Variants in FCHSD2 observed in about 807,000 individuals in gnomAD.
FCHSD2 encodes the protein F-BAR and double SH3 domains protein 2.
A neutral mutation model predicts 108.1 loss-of-function variants in FCHSD2; 38 were observed. The ratio of observed to expected loss-of-function variants is 0.35; its 90% CI spans 0.27 to 0.46. The LOEUF (loss-of-function observed/expected upper bound fraction) is 0.46. FCHSD2 is among the 20% of genes least tolerant of loss of function. The probability of loss-of-function intolerance (pLI) is 1.00; values close to 1 mark genes in which losing one functional copy is unlikely to be tolerated. For synonymous variants in FCHSD2, 279 were observed against 314.7 expected (o/e 0.89, Z 1.20); for missense variants, 751 against 897.8 (o/e 0.84, Z 2.09).
At chr11:72,965,318 G>A (rs1344839892) in intron 8 of FCHSD2, among the ~76,000 whole-genome samples, 2 of 152,068 alleles carry the variant, frequency 1.3e-5, no homozygotes, top group Non-Finnish European at 2.9e-5. Flanking sequence ...TGTCTTCCAG[G>A]AAAACTAAAT....
intron 8 of FCHSD2, among the ~76,000 whole-genome samples, chr11:72,978,854 C>CT (rs1190277188): frequency 0.32 from 35,935 of 110,848 alleles, 7,068 homozygotes; most frequent in East Asian, 0.52. Context: ...GTAGCTCTTT[C>CT]TTTTTTTTTT....
At chr11:73,023,959 A>G (rs893577572) in intron 3 of FCHSD2, among the ~76,000 whole-genome samples, 1 of 152,194 alleles carries the variant, frequency 6.6e-6, no homozygotes, top group Admixed American at 6.5e-5. Context: ...AGACCAATTG[A>G]TAGAGAAAAC....
chr11:73,083,066 A>G (rs1859733823), intron 3 of FCHSD2, among the ~76,000 whole-genome samples: 1 of 152,238 alleles, frequency 6.6e-6, no homozygotes, highest in South Asian at 2.1e-4. Context: ...TGCGTGATGA[A>G]AAATTAACCT....
intron 8 of FCHSD2, among the ~76,000 whole-genome samples, chr11:72,960,225 GC>G: frequency 6.6e-6 from 1 of 152,070 alleles, no homozygotes; most frequent in Non-Finnish European, 1.5e-5. Flanking sequence ...AGATGCCATG[GC>G]CAGTCTCATG....
rs141199608 is a variant in FCHSD2, at chr11:73,102,488, C to T, written c.120-18748G>A. ...TAGCCAAAAACTGAAAGCAATGAAA[C>T]GAAACATCCATCAACTGATGAATGA... On this transcript the variant is annotated intron_variant, in intron 2 of 19. Transcript: ENST00000409418. 2.3e-3 allele frequency among the ~76,000 whole-genome samples: 352 copies of T among 152,266 alleles called. 3 individuals carry two copies. The highest frequency in any genetic ancestry group is 8.1e-3 in the African/African-American group (335 of 41,564).
At chr11:72,925,746 C>T (rs963762905) in intron 8 of FCHSD2, among the ~76,000 whole-genome samples, 4 of 152,224 alleles carry the variant, frequency 2.6e-5, no homozygotes, top group Non-Finnish European at 4.4e-5. Context: ...GCCATCATGC[C>T]GGCTAGAGCA....
At chr11:73,063,883 A>G (rs551045657) in intron 3 of FCHSD2, among the ~76,000 whole-genome samples, 1 of 152,262 alleles carries the variant, frequency 6.6e-6, no homozygotes, top group East Asian at 1.9e-4. Context: ...CAGATTAATG[A>G]GACAGAAAAT....
intron 13 of FCHSD2, among the ~76,000 whole-genome samples, chr11:72,860,302 C>T (rs1861536379): frequency 6.6e-6 from 1 of 152,142 alleles, no homozygotes; most frequent in Non-Finnish European, 1.5e-5. Flanking sequence ...ATTTATAGAA[C>T]ATAACCCCTA....
chr11:73,007,466 T>G (rs1591477818), intron 4 of FCHSD2, among the ~76,000 whole-genome samples: 2 of 151,898 alleles, frequency 1.3e-5, no homozygotes, highest in Middle Eastern at 6.8e-3. Flanking sequence ...ACAAAAAAAA[T>G]TTTAAAATTA....
intron 8 of FCHSD2, among the ~76,000 whole-genome samples, chr11:72,972,065 A>G (rs912805961): frequency 1.3e-5 from 2 of 152,160 alleles, no homozygotes; most frequent in African/African-American, 4.8e-5. Context: ...TTGATTTAAA[A>G]AGAGTTAATC....
At chr11:72,962,155 A>G (rs192523772) in intron 8 of FCHSD2, among the ~76,000 whole-genome samples, 65 of 152,240 alleles carry the variant, frequency 4.3e-4, no homozygotes, top group Non-Finnish European at 9.0e-4. Context: ...ACTGGGGGGA[A>G]TCTCTGAGAC....
At chr11:73,017,818 G>A (rs1337227839) in intron 3 of FCHSD2, among the ~76,000 whole-genome samples, 1 of 151,906 alleles carries the variant, frequency 6.6e-6, no homozygotes, top group Non-Finnish European at 1.5e-5. Context: ...ATTTCCTAAC[G>A]TAAACAATCA....
chr11:73,061,852 A>C (rs940760182), intron 3 of FCHSD2, among the ~76,000 whole-genome samples: 1 of 152,128 alleles, frequency 6.6e-6, no homozygotes, highest in East Asian at 1.9e-4. Flanking sequence ...GGGACAGAGC[A>C]CTTGGGGAAA....
At chr11:72,864,279 G>T (rs899379973) in intron 13 of FCHSD2, among the ~76,000 whole-genome samples, 1 of 152,194 alleles carries the variant, frequency 6.6e-6, no homozygotes, top group Non-Finnish European at 1.5e-5. Flanking sequence ...TAAAAATATG[G>T]ACTGGGTGTG....
intron 11 of FCHSD2, among the ~76,000 whole-genome samples, chr11:72,887,869 T>G (rs1189310081): frequency 6.6e-6 from 1 of 152,150 alleles, no homozygotes; most frequent in Non-Finnish European, 1.5e-5. Context: ...TAGTGAGAGA[T>G]AATGTAAAAA....
intron 6 of FCHSD2, among the ~76,000 whole-genome samples, chr11:72,987,970 A>G (rs1857341189): frequency 6.6e-6 from 1 of 152,196 alleles, no homozygotes; most frequent in Non-Finnish European, 1.5e-5. Flanking sequence ...GAGAAATATT[A>G]AATGTGTTTT....
intron 13 of FCHSD2, among the ~76,000 whole-genome samples, chr11:72,860,372 C>T (rs747361345): frequency 3.9e-5 from 6 of 151,952 alleles, no homozygotes; most frequent in African/African-American, 9.7e-5. Context: ...CCAAGATATA[C>T]GTTTATACTG....
intron 2 of FCHSD2, among the ~76,000 whole-genome samples, chr11:73,127,456 G>A (rs879363977): frequency 2.6e-5 from 4 of 152,180 alleles, no homozygotes; most frequent in Admixed American, 1.3e-4. Flanking sequence ...AAGTTTCTGT[G>A]CCTAGATCCC....
At chr11:73,122,557 T>G (rs961437847) in intron 2 of FCHSD2, among the ~76,000 whole-genome samples, 1 of 152,210 alleles carries the variant, frequency 6.6e-6, no homozygotes, top group Admixed American at 6.5e-5. Flanking sequence ...GGCTAAGGAA[T>G]AGAGACTTAA....
Sources: gnomAD v4.1 joint callset for allele counts (sites outside exome capture counted in the v4.1 genomes callset) on GRCh38, gnomAD v4.1.1 for gene constraint, MANE v1.5 for transcripts, NCBI Gene and HGNC (gene_info 2026-07-23, HGNC 2026-07-21) for gene names.